RHOT1: variants seen among roughly 807,000 people sequenced by gnomAD.
The protein encoded by RHOT1 is mitochondrial Rho GTPase 1.
Under a neutral mutation model 95.3 loss-of-function variants are expected in RHOT1, and 27 were observed. The ratio of observed to expected loss-of-function variants is 0.28; its 90% confidence interval spans 0.21 to 0.39. The LOEUF is 0.39. RHOT1 is among the 10% of genes least tolerant of loss of function. The pLI is 1.00. For synonymous variants in RHOT1, 227 were observed against 263.5 expected (o/e 0.86, Z 1.34); for missense variants, 578 against 786.7 (o/e 0.73, Z 3.17).
intron 1 of RHOT1, among the ~76,000 whole-genome samples, chr17:32,156,160 A>G (rs918826450): frequency 6.6e-6 from 1 of 152,258 alleles, no homozygotes; most frequent in East Asian, 1.9e-4. Flanking sequence ...TTGTAGCTAG[A>G]TGAATGTTTC....
chr17:32,182,673 A>T, intron 6 of RHOT1, 84 bp from the exon 7 acceptor site: 1 of 819,410 alleles, frequency 1.2e-6, no homozygotes, highest in Non-Finnish European at 1.9e-6. Context: ...AAAGCTTTTT[A>T]GTTAGAATGG....
chr17:32,218,094 C>T (rs1057039541), intron 19 of RHOT1, among the ~76,000 whole-genome samples: 1 of 151,966 alleles, frequency 6.6e-6, no homozygotes, highest in Non-Finnish European at 1.5e-5. Flanking sequence ...AACTCCTAAC[C>T]TCATGTGATC....
At chr17:32,203,559 T>C (rs1240678071) in intron 15 of RHOT1, among the ~76,000 whole-genome samples, 1 of 152,152 alleles carries the variant, frequency 6.6e-6, no homozygotes, top group Non-Finnish European at 1.5e-5. Flanking sequence ...TGCCGACATA[T>C]TTCTAGATGG....
At chr17:32,211,431 G>A in intron 19 of RHOT1, 193 bp downstream of exon 19, 2 of 410,110 alleles carry the variant, frequency 4.9e-6, no homozygotes, top group Admixed American at 4.0e-5. Flanking sequence ...TAAATTAATA[G>A]GTATATTTAG....
intron 8 of RHOT1, among the ~76,000 whole-genome samples, chr17:32,190,509 A>G (rs547097014): frequency 6.6e-6 from 1 of 151,798 alleles, no homozygotes; most frequent in Non-Finnish European, 1.5e-5. Flanking sequence ...ACTTTTTGAA[A>G]ATGTATCCCT....
At chr17:32,150,322 C>A in intron 1 of RHOT1, 1 of 311,132 alleles carries the variant, frequency 3.2e-6, no homozygotes, top group Admixed American at 4.9e-5. Context: ...TGTAATCTGT[C>A]CCTTTCCAAT....
At chr17:32,209,551 A>G in intron 18 of RHOT1, 1 of 657,950 alleles carries the variant, frequency 1.5e-6, no homozygotes, top group Non-Finnish European at 2.6e-6. Flanking sequence ...AATTATGTAG[A>G]AACGCACTGC....
intron 1 of RHOT1, among the ~76,000 whole-genome samples, chr17:32,155,914 A>G (rs1378714471): frequency 2.0e-5 from 3 of 152,148 alleles, no homozygotes. Context: ...TAAGTGAAGG[A>G]GCATCTGTGT....
At chr17:32,164,273 C>T (rs1454785143) in intron 1 of RHOT1, among the ~76,000 whole-genome samples, 4 of 152,052 alleles carry the variant, frequency 2.6e-5, no homozygotes, top group East Asian at 2.0e-4. Context: ...GTCGCTCCGT[C>T]GCCAGGCTGG....
At chr17:32,187,945 C>T (rs7218716) in intron 8 of RHOT1, among the ~76,000 whole-genome samples, 27,756 of 152,158 alleles carry the variant, frequency 0.18, 2,632 homozygotes, top group South Asian at 0.26. Flanking sequence ...CAAATTTTAT[C>T]ATTTCATAAA....
intron 18 of RHOT1, chr17:32,209,181 A>G (rs1303527453): frequency 7.8e-6 from 3 of 382,660 alleles, no homozygotes; most frequent in Non-Finnish European, 1.4e-5. Context: ...AGATTTTTAA[A>G]GTCAGTTAAC....
At chr17:32,203,269 CTTTTTTTTTTT>C (rs940216011) in intron 15 of RHOT1, among the ~76,000 whole-genome samples, 13 of 72,328 alleles carry the variant, frequency 1.8e-4, no homozygotes, top group African/African-American at 6.7e-4. Context: ...TCTTCTTCTT[CTTTTTTTTTTT>C]TTTTTTTTTT....
chr17:32,158,563 G>T (rs1388018002), intron 1 of RHOT1, among the ~76,000 whole-genome samples: 1 of 151,962 alleles, frequency 6.6e-6, no homozygotes, highest in African/African-American at 2.4e-5. Flanking sequence ...GCTTTCAAAC[G>T]ATTCTCCTGC....
intron 14 of RHOT1, among the ~76,000 whole-genome samples, chr17:32,201,288 C>G (rs1213013442): frequency 3.3e-5 from 5 of 152,204 alleles, no homozygotes; most frequent in African/African-American, 1.2e-4. Flanking sequence ...GGTTACTCCA[C>G]TGATGAAAAT....
At chr17:32,175,410 G>A (rs372232893) in intron 4 of RHOT1, 48 bp downstream of exon 4, 87 of 1,514,756 alleles carry the variant, frequency 5.7e-5, no homozygotes, top group Non-Finnish European at 7.7e-5. Context: ...GAAAAACAGT[G>A]ATGATTTTAT....
chr17:32,175,865 C>T, intron 4 of RHOT1, 97 bp from the exon 5 acceptor site: 1 of 740,126 alleles, frequency 1.4e-6, no homozygotes, highest in African/African-American at 1.8e-5. Context: ...TAAATTTTTT[C>T]TTCCTTTCAC....
At chr17:32,215,566 ATG>A (rs71923343) in intron 19 of RHOT1, among the ~76,000 whole-genome samples, 31,443 of 152,034 alleles carry the variant, frequency 0.21, 3,397 homozygotes, top group South Asian at 0.3. Context: ...ATTTTCAGTG[ATG>A]TTAGTCCTTC....
intron 1 of RHOT1, among the ~76,000 whole-genome samples, chr17:32,147,736 C>T (rs1341609571): frequency 2.0e-5 from 3 of 151,656 alleles, no homozygotes; most frequent in African/African-American, 7.3e-5. Flanking sequence ...AGGAGAATCA[C>T]TTGAACCCAG....
intron 19 of RHOT1, among the ~76,000 whole-genome samples, chr17:32,214,894 CTTTTTTTTTTTTTT>C (rs551151153): frequency 4.7e-4 from 25 of 52,836 alleles, no homozygotes; most frequent in South Asian, 3.7e-3. Flanking sequence ...AAAGGCTTGT[CTTTTTTTTTTTTTT>C]TTTTTTTTTT....
Sources: allele counts gnomAD v4.1 joint callset (sites outside exome capture counted in the v4.1 genomes callset), GRCh38; gene constraint gnomAD v4.1.1; transcripts MANE v1.5; gene names NCBI Gene and HGNC (gene_info 2026-07-23, HGNC 2026-07-21).